The following DLG5 variants were observed in gnomAD, a reference collection of about 807,000 sequenced individuals.
The protein encoded by DLG5 is disks large homolog 5.
Under a neutral mutation model 189.8 loss-of-function variants are expected in DLG5, and 48 were observed. The ratio of observed to expected loss-of-function variants is 0.25; its 90% confidence interval spans 0.20 to 0.32. The LOEUF (loss-of-function observed/expected upper bound fraction) is 0.32. Ranked by LOEUF, DLG5 falls within the 10% of genes least tolerant of loss-of-function variation. The pLI is 1.00. For synonymous variants in DLG5, 1,016 were observed against 1,054.1 expected, an observed-to-expected ratio of 0.96 and a Z score of 0.70; for missense variants, 2,160 against 2,544.7, an observed-to-expected ratio of 0.85 and a Z score of 3.25.
intron 11 of DLG5, 98 bp downstream of exon 11, chr10:77,830,119 G>C (rs937176787): frequency 6.7e-7 from 1 of 1,500,740 alleles, no homozygotes; most frequent in African/African-American, 1.4e-5. Context: ...TCTAAGGCTG[G>C]GAAACGTTCA....
At chr10:77,793,362 A>T (rs1390456495) in intron 31 of DLG5, among the ~76,000 whole-genome samples, 11 of 151,790 alleles carry the variant, frequency 7.2e-5, no homozygotes, top group African/African-American at 2.7e-4. Flanking sequence ...AGATCATAAC[A>T]CTCTCCACAA....
intron 1 of DLG5, among the ~76,000 whole-genome samples, chr10:77,876,575 C>A (rs190916932): frequency 2.3e-4 from 35 of 150,918 alleles, no homozygotes; most frequent in Middle Eastern, 3.4e-3. Flanking sequence ...GGTTTCACCA[C>A]GTTGGCCAGG....
At chr10:77,798,140 C>A (rs964205784) in intron 27 of DLG5, among the ~76,000 whole-genome samples, 5 of 152,164 alleles carry the variant, frequency 3.3e-5, no homozygotes, top group Non-Finnish European at 5.9e-5. Context: ...TGAGCCGAGA[C>A]TGCACCACTG....
chr10:77,806,204 G>A (rs1841463289), intron 26 of DLG5: 1 of 307,010 alleles, frequency 3.3e-6, no homozygotes, highest in East Asian at 5.6e-5. Context: ...CAGGGATGCA[G>A]GCTGCCTCGA....
rs983205842 is a variant in DLG5 at position 77,811,184 on chromosome 10, G to A, written c.4373C>T (p.Thr1458Ile). Reference protein sequence around the residue: ...GTHSTLQGSGTTTPEHPSVID... With the variant: ...GTHSTLQGSGITTPEHPSVID... Reference sequence around the variant, plus strand: ...GACAGATGGATGCTCCGGGGTGGTGGTGCCACTGCCCTGGAGAGTGGAGTG... The same window carrying A: ...GACAGATGGATGCTCCGGGGTGGTGATGCCACTGCCCTGGAGAGTGGAGTG... Residue 1458 changes from threonine (T) to isoleucine (I), a missense_variant, in exon 23 of 32, where the codon ACC becomes ATC. Thr to Ile is a moderately conservative substitution (Grantham distance 89, BLOSUM62 -1). This residue lies in a region of DLG5 where 574 missense variants were observed against 644.2 expected (regional missense o/e 0.89). Transcript: ENST00000372391. 6.2e-7 allele frequency: 1 copy of A among 1,613,414 alleles called. No homozygotes were observed. Among genetic ancestry groups the A allele is most frequent in the South Asian group, 1.1e-5 (1 of 91,034 alleles).
intron 2 of DLG5, among the ~76,000 whole-genome samples, chr10:77,862,103 T>C (rs1348528328): frequency 6.6e-6 from 1 of 152,212 alleles, no homozygotes; most frequent in Non-Finnish European, 1.5e-5. Context: ...TTTTGTCTTT[T>C]TACTTGCATC....
intron 1 of DLG5, among the ~76,000 whole-genome samples, chr10:77,889,092 TCCCAGGC>T (rs1845530384): frequency 8.0e-6 from 1 of 124,570 alleles, no homozygotes; most frequent in African/African-American, 3.2e-5. Flanking sequence ...ACAGGTAACC[TCCCAGGC>T]CTCACAAGCC....
rs1377910933 is a variant in DLG5, at chr10:77,821,327, G to C, written c.3157C>G (p.Pro1053Ala). 6.2e-7 allele frequency: 1 copy of C among 1,613,248 alleles called. No homozygotes were observed. The highest frequency in any genetic ancestry group is 8.5e-7 in the Non-Finnish European group (1 of 1,180,010). The stretch of plus-strand genomic sequence containing the variant: ...ATGGGCTCCCCGGGGTCCACGTCAG[G>C]GGGCAGGGCGCTCGGGGGACTAGTG... ...PSTSPPSALP[P>A]DVDPGEPMHA... Residue 1053 changes from proline (P) to alanine (A), a missense_variant, in exon 15 of 32, where the codon CCT (proline) becomes GCT (alanine). Pro to Ala is a conservative substitution (Grantham distance 27). Coordinates refer to ENST00000372391, the MANE Select transcript of DLG5 (RefSeq NM_004747.4).
intron 1 of DLG5, among the ~76,000 whole-genome samples, chr10:77,915,799 G>A (rs542723034): frequency 1.3e-5 from 2 of 152,350 alleles, no homozygotes; most frequent in East Asian, 3.9e-4. Flanking sequence ...GGGATAAGGA[G>A]GAAGTATCCA....
intron 2 of DLG5, among the ~76,000 whole-genome samples, chr10:77,865,653 T>C (rs762258293): frequency 1.3e-5 from 2 of 152,146 alleles, no homozygotes; most frequent in Non-Finnish European, 2.9e-5. Flanking sequence ...AAAGTACTGA[T>C]TGCCTGAAAC....
At chr10:77,868,968 T>C (rs1408696685) in intron 2 of DLG5, 161 bp downstream of exon 2, 2 of 648,996 alleles carry the variant, frequency 3.1e-6, no homozygotes, top group Non-Finnish European at 5.4e-6. Flanking sequence ...AGAACTGGGT[T>C]TCTGATGATG....
At chr10:77,857,272 G>A (rs1257009010) in intron 2 of DLG5, among the ~76,000 whole-genome samples, 1 of 152,234 alleles carries the variant, frequency 6.6e-6, no homozygotes, top group East Asian at 1.9e-4. Flanking sequence ...GGCACATGGA[G>A]CAGGACAGAC....
At chr10:77,811,630 G>A (rs1448023685) in intron 22 of DLG5, among the ~76,000 whole-genome samples, 1 of 152,134 alleles carries the variant, frequency 6.6e-6, no homozygotes, top group Non-Finnish European at 1.5e-5. Context: ...CCTGGACAGG[G>A]AGCCAAACAC....
At chr10:77,930,681 A>AT (rs1846778553), upstream of DLG5, among the ~76,000 whole-genome samples, 1 of 150,622 alleles carries the variant, frequency 6.6e-6, no homozygotes, top group African/African-American at 2.4e-5. Context: ...ATTGGAGACA[A>AT]GAGTCTTGCT....
At chr10:77,935,343 CT>C in the DLG5 span, among the ~76,000 whole-genome samples, 4 of 152,086 alleles carry the variant, frequency 2.6e-5, no homozygotes, top group African/African-American at 9.7e-5. Context: ...CAAAAACACC[CT>C]GTGATAGGAA....
At chr10:77,868,175 G>A (rs765547951) in intron 2 of DLG5, 6 of 445,326 alleles carry the variant, frequency 1.3e-5, no homozygotes, top group South Asian at 3.1e-5. Flanking sequence ...CCTGGTCTGC[G>A]GCACTTTGTT....
At chr10:77,817,931 G>A in intron 17 of DLG5, 42 bp from the exon 18 acceptor site, 2 of 1,500,444 alleles carry the variant, frequency 1.3e-6, no homozygotes, top group Non-Finnish European at 1.8e-6. Flanking sequence ...AGGAGAACCA[G>A]GAACAGATGT....
chr10:77,843,804 C>T, intron 5 of DLG5, 98 bp from the exon 6 acceptor site: 1 of 1,524,976 alleles, frequency 6.6e-7, no homozygotes, highest in Admixed American at 1.7e-5. Context: ...AGACTGATGA[C>T]AAGGCGGTTG....
chr10:77,926,069 A>G lies in DLG5; in HGVS notation c.304+148T>C. The G allele has an allele frequency of 1.2e-6, 1 of 833,946 alleles. No homozygotes were observed. The highest frequency in any genetic ancestry group is 1.6e-6 in the Non-Finnish European group (1 of 616,902). 51.7% of individuals were successfully genotyped at this position (833,946 alleles called of 1,614,324 possible). On this transcript the variant is annotated intron_variant, in intron 1 of 31. Coordinates refer to ENST00000372391, the MANE Select transcript of DLG5 (RefSeq NM_004747.4). The surrounding 1 kb of genome is among the most constrained non-coding windows in gnomAD (Gnocchi z 5.2). ...GGCGGCGGGACTTCGGGATCCGCGC[A>G]CCGCCGCCTCCCCAACTGGGCCAGA...
Sources: allele counts gnomAD v4.1 joint callset (sites outside exome capture counted in the v4.1 genomes callset), GRCh38; gene constraint gnomAD v4.1.1; regional missense constraint gnomAD v4.1.1; non-coding constraint Gnocchi (gnomAD v3.1); transcripts MANE v1.5; gene names NCBI Gene and HGNC (gene_info 2026-07-23, HGNC 2026-07-21).